PKIB: variants seen among roughly 807,000 people sequenced by gnomAD.
PKIB encodes the protein PKI-beta.
In PKIB, 2 loss-of-function variants were observed where a neutral mutation model predicts 4.5. That is an observed-to-expected ratio of 0.44 (90% CI 0.18 to 1.39). The LOEUF is 1.39. Ranked by LOEUF, PKIB falls within the 40% of genes most tolerant of loss-of-function variation. The probability of loss-of-function intolerance (pLI) is 0.27; values close to 1 mark genes in which losing one functional copy is unlikely to be tolerated. For missense variants in PKIB, 94 were observed against 92.6 expected, an observed-to-expected ratio of 1.02 and a Z score of -0.06; for synonymous variants, 38 against 36.0, an observed-to-expected ratio of 1.06 and a Z score of -0.20.
chr6:122,581,363 T>C (rs192583347), intron 2 of PKIB, among the ~76,000 whole-genome samples: 48 of 152,282 alleles, frequency 3.2e-4, no homozygotes, highest in African/African-American at 1.1e-3. Context: ...TCTTTTACAA[T>C]ATAAGACTAT....
At chr6:122,493,762 G>A (rs145911264) in intron 2 of PKIB, among the ~76,000 whole-genome samples, 75 of 152,190 alleles carry the variant, frequency 4.9e-4, no homozygotes, top group Non-Finnish European at 8.5e-4. Context: ...ATCTTTACAT[G>A]AGGGGTGGTC....
At chr6:122,683,667 A>G (rs1170113687) in intron 3 of PKIB, among the ~76,000 whole-genome samples, 1 of 152,166 alleles carries the variant, frequency 6.6e-6, no homozygotes, top group African/African-American at 2.4e-5. Flanking sequence ...TACCCCAACA[A>G]TCTACTCCCA....
At position 122,604,946 on chromosome 6, in the gene PKIB, T is replaced by C. The variant is rs149670271; in HGVS notation, c.-161+18939T>C. 2.3e-3 allele frequency among the ~76,000 whole-genome samples: 357 copies of C among 152,350 alleles called. 2 individuals are homozygous for C. The highest frequency in any genetic ancestry group is 8.2e-3 in the African/African-American group (341 of 41,588). On this transcript the variant is annotated intron_variant, in intron 3 of 6. Coordinates refer to the PKIB transcript ENST00000392491. ...ATCAGTCTCTTTCCCATCCTTCTGC[T>C]TCTTACTTTATAGACTCTGATCTTC...
chr6:122,684,563 T>C (rs1001614265), intron 3 of PKIB, among the ~76,000 whole-genome samples: 1 of 152,110 alleles, frequency 6.6e-6, no homozygotes, highest in Non-Finnish European at 1.5e-5. Context: ...AAAAAAATTA[T>C]AGAAACCACC....
intron 4 of PKIB, among the ~76,000 whole-genome samples, chr6:122,724,458 G>A (rs1174482975): frequency 6.6e-6 from 1 of 152,116 alleles, no homozygotes; most frequent in African/African-American, 2.4e-5. Context: ...TTGCTGTCTT[G>A]AAATTTTTCA....
At chr6:122,724,380 T>A (rs554770639) in intron 4 of PKIB, among the ~76,000 whole-genome samples, 1 of 152,314 alleles carries the variant, frequency 6.6e-6, no homozygotes, top group Non-Finnish European at 1.5e-5. Flanking sequence ...TCCAAAATTG[T>A]GCAACCAGGG....
intron 3 of PKIB, among the ~76,000 whole-genome samples, chr6:122,688,204 A>G (rs1176066586): frequency 6.6e-6 from 1 of 152,112 alleles, no homozygotes; most frequent in Non-Finnish European, 1.5e-5. Context: ...CATCAATTGA[A>G]ATGATCATAT....
At chr6:122,658,483 T>A (rs1275911778) in intron 2 of PKIB, among the ~76,000 whole-genome samples, 1 of 152,194 alleles carries the variant, frequency 6.6e-6, no homozygotes, top group Non-Finnish European at 1.5e-5. Context: ...ATAAATCCAA[T>A]TCCTTGATAT....
At chr6:122,478,530 G>C (rs942998517) in intron 2 of PKIB, 2 of 152,092 alleles carry the variant, frequency 1.3e-5, no homozygotes, top group Admixed American at 1.3e-4. Context: ...GCTTTGATAC[G>C]GGCATGGCTG....
At chr6:122,549,947 C>T (rs564250547) in intron 2 of PKIB, among the ~76,000 whole-genome samples, 11 of 151,534 alleles carry the variant, frequency 7.3e-5, no homozygotes, top group African/African-American at 2.7e-4. Context: ...CAGAGTCTTG[C>T]TCTGTCACCC....
At chr6:122,587,914 T>G (rs1179862114) in intron 3 of PKIB, among the ~76,000 whole-genome samples, 1 of 152,248 alleles carries the variant, frequency 6.6e-6, no homozygotes, top group Non-Finnish European at 1.5e-5. Flanking sequence ...TTGTAGATTC[T>G]GGATATTAGC....
intron 2 of PKIB, among the ~76,000 whole-genome samples, chr6:122,505,433 T>G (rs565801854): frequency 6.6e-6 from 1 of 152,324 alleles, no homozygotes; most frequent in South Asian, 2.1e-4. Context: ...GTCATTGTTA[T>G]TATGGTTTGT....
At chr6:122,687,734 CTTT>C (rs1335328204) in intron 3 of PKIB, among the ~76,000 whole-genome samples, 1 of 151,942 alleles carries the variant, frequency 6.6e-6, no homozygotes, top group Non-Finnish European at 1.5e-5. Flanking sequence ...AATGAAATTA[CTTT>C]TTTGATTTCT....
intron 2 of PKIB, among the ~76,000 whole-genome samples, chr6:122,533,790 T>G (rs1376055701): frequency 6.6e-6 from 1 of 152,156 alleles, no homozygotes; most frequent in Non-Finnish European, 1.5e-5. Context: ...TTCTCATGGG[T>G]CTGCGTTTTC....
intron 3 of PKIB, 142 bp from the exon 4 acceptor site, chr6:122,717,645 A>G: frequency 1.2e-6 from 1 of 804,682 alleles, no homozygotes; most frequent in Non-Finnish European, 2.0e-6. Context: ...GGACCGTAAC[A>G]GTAGACATTG....
At chr6:122,609,990 G>A (rs1408390714), upstream of PKIB, among the ~76,000 whole-genome samples, 1 of 152,132 alleles carries the variant, frequency 6.6e-6, no homozygotes, top group East Asian at 1.9e-4. Context: ...GACACCTGGA[G>A]CACAAACCCT....
intron 2 of PKIB, among the ~76,000 whole-genome samples, chr6:122,553,918 A>C (rs1772763753): frequency 6.6e-6 from 1 of 152,166 alleles, no homozygotes; most frequent in African/African-American, 2.4e-5. Flanking sequence ...TGGAGCTTGG[A>C]GCTCTTAATA....
chr6:122,636,601 G>A lies in PKIB; in HGVS notation c.-76+3234G>A, dbSNP rs2316946. 3.9e-3 allele frequency among the ~76,000 whole-genome samples: 593 copies of A among 152,074 alleles called. 2 individuals carry two copies. Among genetic ancestry groups the A allele is most frequent in the African/African-American group, 0.013 (551 of 41,512 alleles). The stretch of plus-strand genomic sequence containing the variant: ...TAATGAAGGTTTATATTGTATTCTT[G>A]GATGAGAATAATAGATGTTGTACAC... On this transcript the variant is annotated intron_variant, in intron 2 of 4. Coordinates refer to ENST00000368452, the MANE Select transcript of PKIB (RefSeq NM_181795.3).
chr6:122,716,403 C>G (rs1481366907), intron 3 of PKIB, among the ~76,000 whole-genome samples: 1 of 152,112 alleles, frequency 6.6e-6, no homozygotes, highest in African/African-American at 2.4e-5. Flanking sequence ...TCTAAGATAT[C>G]TATACATTCT....
Sources: gnomAD v4.1 joint callset for allele counts (sites outside exome capture counted in the v4.1 genomes callset) on GRCh38, gnomAD v4.1.1 for gene constraint, MANE v1.5 for transcripts, NCBI Gene and HGNC (gene_info 2026-07-23, HGNC 2026-07-21) for gene names.